ZNF560: variants seen among roughly 807,000 people sequenced by gnomAD.
ZNF560 encodes the protein zinc finger protein 560.
In ZNF560, 54 loss-of-function variants were observed where a neutral mutation model predicts 81.8. The observed-to-expected ratio is 0.66, with a 90% CI of 0.53 to 0.83. The LOEUF (loss-of-function observed/expected upper bound fraction) is 0.83, where lower values mean the gene tolerates loss of function less well. Among genes scored for constraint, ZNF560 ranks in the 40% least tolerant of loss-of-function variants. ZNF560 has a pLI of 0.00. For synonymous variants in ZNF560, 321 were observed against 317.9 expected (o/e 1.01, Z -0.10); for missense variants, 940 against 932.4 (o/e 1.01, Z -0.11).
chr19:9,446,478 A>T, the ZNF560 span, among the ~76,000 whole-genome samples: 1 of 151,936 alleles, frequency 6.6e-6, no homozygotes, highest in Non-Finnish European at 1.5e-5. Context: ...AGATTCATCC[A>T]CGTTAGGGGG....
intron 7 of ZNF560, chr19:9,469,971 T>C: frequency 2.1e-6 from 1 of 481,796 alleles, no homozygotes; most frequent in Non-Finnish European, 3.7e-6. Context: ...AAATGTTAAA[T>C]ACAAATTCTA....
the ZNF560 span, among the ~76,000 whole-genome samples, chr19:9,504,390 G>T: frequency 6.6e-6 from 1 of 152,086 alleles, no homozygotes; most frequent in Admixed American, 6.5e-5. Context: ...AGCCGAAATT[G>T]CACCCCTGCC....
intron 2 of ZNF560, among the ~76,000 whole-genome samples, chr19:9,481,344 T>C (rs2073286571): frequency 6.6e-6 from 1 of 152,138 alleles, no homozygotes. Flanking sequence ...GGCAATGCCA[T>C]TCAGGACATA....
Position 9,468,234 on chromosome 19 carries a change from CTATTT to C in ZNF560, c.708_712del (p.Asn237ArgfsTer5). On this transcript the variant is annotated frameshift_variant, in exon 10 of 10. Transcript: ENST00000301480. LOFTEE classifies it high-confidence loss of function. Reference sequence around the variant, plus strand: ...CTGAATACATTCAGACGTGTTGCCTCTATTTTGAGTACTCATGTTGGTCTTAAGGC... The same window carrying C: ...CTGAATACATTCAGACGTGTTGCCTCTGAGTACTCATGTTGGTCTTAAGGC... 1 of 1,614,074 alleles carries C rather than the reference CTATTT, an allele frequency of 6.2e-7. No homozygotes were observed. The highest frequency in any genetic ancestry group is 8.5e-7 in the Non-Finnish European group (1 of 1,180,004).
chr19:9,502,489 C>T (rs545529004), upstream of ZNF560, among the ~76,000 whole-genome samples: 19 of 152,290 alleles, frequency 1.2e-4, no homozygotes, highest in African/African-American at 4.6e-4. Context: ...GGATTACAGG[C>T]ATGAGCCACA....
chr19:9,471,304 T>C lies in ZNF560; in HGVS notation c.313A>G (p.Ile105Val), dbSNP rs766288419. Residue 105 changes from isoleucine (I) to valine (V), a missense_variant, in exon 6 of 10, where the codon ATA becomes GTA. Ile to Val is a conservative substitution (Grantham distance 29, BLOSUM62 3). Coordinates refer to ENST00000301480, the MANE Select transcript of ZNF560 (RefSeq NM_152476.3). ...EFWKIQTSNG[I>V]QMDLVTFDSV... ...CCCTTTCTTAACATTACCATTTGTA[T>C]CCCATTAGAAGTTTGTATTTTCCAA... 2 of 1,588,728 alleles carry C rather than the reference T, an allele frequency of 1.3e-6. No homozygotes were observed. The highest frequency in any genetic ancestry group is 1.7e-6 in the Non-Finnish European group (2 of 1,170,486).
rs139159517 is a variant in ZNF560 at position 9,468,089 on chromosome 19, A to C, written c.858T>G (p.Cys286Trp). Residue 286 changes from cysteine (C) to tryptophan (W), a missense_variant, in exon 10 of 10, where the codon TGT becomes TGG. Transcript: ENST00000301480. ...TGCCTTCAAAGGATTTATCTTGTGT[A>C]CACTTTCTCTGGACCTGAACATTTA... ...LILNVQVQRK[C>W]TQDKSFEGTD... The C allele has an allele frequency of 6.2e-7, 1 of 1,614,054 alleles. No homozygotes were observed. The highest frequency in any genetic ancestry group is 8.5e-7 in the Non-Finnish European group (1 of 1,180,040).
Position 9,474,268 on chromosome 19 carries a change from G to C in ZNF560, c.88C>G (p.Leu30Val). The C allele has an allele frequency of 6.2e-7, 1 of 1,614,142 alleles. No individual in the cohort carries two copies. The highest frequency in any genetic ancestry group is 8.5e-7 in the Non-Finnish European group (1 of 1,180,010). Reference protein sequence around the residue: ...VDFTQEEWILLDPVQRNLYRD... With the variant: ...VDFTQEEWILVDPVQRNLYRD... Reference sequence around the variant, plus strand: ...TATAAGTTTCTCTGAACTGGGTCCAGTAAAATCCACTCCTCCTGGGTGAAG... The same window carrying C: ...TATAAGTTTCTCTGAACTGGGTCCACTAAAATCCACTCCTCCTGGGTGAAG... The change falls in exon 4 of 10, where the codon CTG becomes GTG. Residue 30 changes from leucine (L) to valine (V), a missense_variant. By Grantham distance (32) the Leu-to-Val change is conservative (BLOSUM62 1). Transcript: ENST00000301480.
chr19:9,464,912 T>G (rs2072991362), downstream of ZNF560, among the ~76,000 whole-genome samples: 1 of 152,154 alleles, frequency 6.6e-6, no homozygotes, highest in Admixed American at 6.5e-5. Context: ...TTCTCATAAG[T>G]GTGAATGCCC....
At chr19:9,450,792 A>T in the ZNF560 span, among the ~76,000 whole-genome samples, 1 of 152,118 alleles carries the variant, frequency 6.6e-6, no homozygotes, top group South Asian at 2.1e-4. Flanking sequence ...AGCCTCCCAA[A>T]GTGCTGGGAT....
rs540598925 is a variant in ZNF560, at chr19:9,483,660, G to A, written c.-56-8291C>T. On this transcript the variant is annotated intron_variant, in intron 2 of 9. Coordinates refer to ENST00000301480, the MANE Select transcript of ZNF560 (RefSeq NM_152476.3). ...CAGCCCCCCGCCGGCCAGCCGCCCC[G>A]TCAGGGAGGGAGGTGGGGGGCGCCT... Among the ~76,000 whole-genome samples the A allele has an allele frequency of 8.6e-3, 1,260 of 145,738 alleles. 12 individuals are homozygous for A. The highest frequency in any genetic ancestry group is 0.014 in the Admixed American group (205 of 14,708).
chr19:9,491,825 CAAAAAAAA>C (rs1337657281), intron 2 of ZNF560, among the ~76,000 whole-genome samples: 1 of 28,950 alleles, frequency 3.5e-5, no homozygotes, highest in East Asian at 7.9e-4. Context: ...GACTCCGTCT[CAAAAAAAA>C]AAAAAAAAAA....
chr19:9,474,111 A>G, intron 4 of ZNF560, 88 bp downstream of exon 4: 1 of 1,440,582 alleles, frequency 6.9e-7, no homozygotes. Context: ...TGGTGAATTC[A>G]GTGTTGAACA....
At chr19:9,456,796 G>A in the ZNF560 span, among the ~76,000 whole-genome samples, 1 of 152,108 alleles carries the variant, frequency 6.6e-6, no homozygotes, top group Admixed American at 6.5e-5. Flanking sequence ...AAATTTATGG[G>A]GGCTCTCCCC....
In ZNF560 at chr19:9,467,938, C is replaced by T; in HGVS notation, c.1009G>A (p.Val337Ile). 6 of 1,614,154 alleles carry T rather than the reference C, an allele frequency of 3.7e-6. No individual in the cohort carries two copies. The highest frequency in any genetic ancestry group is 4.2e-6 in the Non-Finnish European group (5 of 1,180,006). Residue 337 changes from valine to isoleucine, a missense_variant, in exon 10 of 10, where the codon GTA becomes ATA. Coordinates refer to ENST00000301480, the MANE Select transcript of ZNF560 (RefSeq NM_152476.3). ...EAFTHSTSHA[V>I]NVETHIIKNP... ...TTAATAATGTGTGTTTCAACATTTACAGCATGGCTTGTGGAGTGAGTAAAT... is the reference window on the plus strand; with the variant it reads ...TTAATAATGTGTGTTTCAACATTTATAGCATGGCTTGTGGAGTGAGTAAAT...
At chr19:9,458,046 A>C in the ZNF560 span, among the ~76,000 whole-genome samples, 1 of 152,190 alleles carries the variant, frequency 6.6e-6, no homozygotes, top group African/African-American at 2.4e-5. Flanking sequence ...TTTTCCTTCC[A>C]TATACTAATT....
chr19:9,448,442 G>A, the ZNF560 span, among the ~76,000 whole-genome samples: 71,279 of 135,318 alleles, frequency 0.53, 19,016 homozygotes, highest in Non-Finnish European at 0.55. Context: ...CTCCATGTTG[G>A]TCAGGCTGGT....
intron 2 of ZNF560, among the ~76,000 whole-genome samples, chr19:9,482,102 G>A (rs2073298761): frequency 1.3e-5 from 2 of 152,086 alleles, no homozygotes; most frequent in African/African-American, 4.8e-5. Flanking sequence ...CCATAAAAAA[G>A]GATGAGTTCA....
intron 6 of ZNF560, 85 bp downstream of exon 6, chr19:9,471,211 A>T (rs2073115383): frequency 3.9e-6 from 4 of 1,020,724 alleles, no homozygotes; most frequent in African/African-American, 1.7e-5. Flanking sequence ...ATTCCTCTCA[A>T]TTATCTTTTG....
Sources: allele counts gnomAD v4.1 joint callset (sites outside exome capture counted in the v4.1 genomes callset), GRCh38; gene constraint gnomAD v4.1.1; transcripts MANE v1.5; gene names NCBI Gene and HGNC (gene_info 2026-07-23, HGNC 2026-07-21).